C8A: variants seen among roughly 807,000 people sequenced by gnomAD.
C8A encodes the protein complement component C8 alpha chain.
C8A carries 67 observed loss-of-function variants against 65.3 expected under a neutral mutation model. The observed-to-expected ratio is 1.03, with a 90% CI of 0.84 to 1.26. C8A has a LOEUF of 1.26. C8A is among the 50% of genes most tolerant of loss of function. C8A has a pLI of 0.00. For missense variants in C8A, 781 were observed against 723.9 expected, an observed-to-expected ratio of 1.08 and a Z score of -0.90; for synonymous variants, 290 against 259.4, an observed-to-expected ratio of 1.12 and a Z score of -1.13.
At chr1:56,866,296 G>A (rs1459440385) in intron 1 of C8A, among the ~76,000 whole-genome samples, 1 of 152,108 alleles carries the variant, frequency 6.6e-6, no homozygotes, top group African/African-American at 2.4e-5. Context: ...ACATGTAATA[G>A]GTTTGTTATT....
chr1:56,856,277 T>A (rs1282097017), intron 1 of C8A, among the ~76,000 whole-genome samples: 11 of 152,154 alleles, frequency 7.2e-5, no homozygotes, highest in Non-Finnish European at 1.5e-4. Flanking sequence ...AGCTGTCTGA[T>A]CTCAGGCAAG....
Position 56,917,799 on chromosome 1 carries a change from G to A in C8A, c.*83G>A, listed in dbSNP as rs1320002182. 1 of 1,536,328 alleles carries A rather than the reference G, an allele frequency of 6.5e-7. No individual in the cohort carries two copies. Among genetic ancestry groups the A allele is most frequent in the African/African-American group, 1.4e-5 (1 of 73,342 alleles). On this transcript the variant is annotated 3_prime_UTR_variant, in exon 11 of 11. Coordinates refer to ENST00000361249, the MANE Select transcript of C8A (RefSeq NM_000562.3). ...TTGGATAAAGACTTCTTTCAACTAA[G>A]AGAAGATGCAAATCAGCACACTTTT...
At position 56,881,572 on chromosome 1, in the gene C8A, T is replaced by C. The variant is rs540173367; in HGVS notation, c.592T>C (p.Tyr198His). ...ATATGACTCCACCTGTGAACGTCTC[T>C]ACTATGGAGATGATGAGAAATACTT... ...LRYDSTCERL[Y>H]YGDDEKYFRK... The change falls in exon 5 of 11, where the codon TAC becomes CAC. Residue 198 changes from tyrosine (Y) to histidine (H), a missense_variant. Tyr to His is a moderately conservative substitution (Grantham distance 83). Coordinates refer to ENST00000361249, the MANE Select transcript of C8A (RefSeq NM_000562.3). The C allele has an allele frequency of 2.5e-6, 4 of 1,613,836 alleles. No homozygotes were observed. The South Asian group carries it at 3.3e-5, about 13-fold the overall frequency.
intron 6 of C8A, among the ~76,000 whole-genome samples, chr1:56,885,705 C>A (rs1644294113): frequency 6.6e-6 from 1 of 151,474 alleles, no homozygotes. Flanking sequence ...GCATGCACCA[C>A]CATGCCCAGC....
chr1:56,894,970 A>C (rs990109529), intron 7 of C8A, among the ~76,000 whole-genome samples: 1 of 149,590 alleles, frequency 6.7e-6, no homozygotes, highest in Admixed American at 6.6e-5. Context: ...GTATAATAAC[A>C]TCTACTATTT....
chr1:56,913,638 A>G (rs1213021673), intron 10 of C8A, among the ~76,000 whole-genome samples: 2 of 151,056 alleles, frequency 1.3e-5, no homozygotes, highest in South Asian at 2.1e-4. Context: ...CTAAGCTCCC[A>G]CTTTTTCAGG....
intron 2 of C8A, among the ~76,000 whole-genome samples, chr1:56,871,655 T>C (rs1644148265): frequency 1.3e-5 from 2 of 152,212 alleles, no homozygotes; most frequent in South Asian, 4.1e-4. Flanking sequence ...TTTCCCATAG[T>C]ATATTTAACT....
chr1:56,860,928 A>G lies in C8A; in HGVS notation c.77+5950A>G, dbSNP rs974782614. On this transcript the variant is annotated intron_variant, in intron 1 of 10. Coordinates refer to ENST00000361249, the MANE Select transcript of C8A (RefSeq NM_000562.3). ...TTGTGCTGAAGAAGTCCAAGAGATG[A>G]AAGTTCTCATGAAGAAAAAAGTGGT... 3.3e-5 allele frequency among the ~76,000 whole-genome samples: 5 copies of G among 152,192 alleles called. No individual in the cohort carries two copies. The South Asian group carries it at 1.0e-3, about 32-fold the overall frequency.
At chr1:56,874,678 A>T (rs1644180093) in intron 2 of C8A, among the ~76,000 whole-genome samples, 1 of 152,206 alleles carries the variant, frequency 6.6e-6, no homozygotes, top group African/African-American at 2.4e-5. Context: ...AACAGAGGTT[A>T]TTCCTAGCAA....
intron 7 of C8A, among the ~76,000 whole-genome samples, chr1:56,903,766 C>T (rs955083170): frequency 6.6e-6 from 1 of 152,206 alleles, no homozygotes; most frequent in Admixed American, 6.5e-5. Context: ...GAAGAGGAAT[C>T]ATCTGGGATA....
At chr1:56,874,870 G>A in intron 2 of C8A, 79 bp from the exon 3 acceptor site, 1 of 1,521,646 alleles carries the variant, frequency 6.6e-7, no homozygotes. Context: ...CTTATGTTGA[G>A]CCGAAACCAG....
intron 4 of C8A, among the ~76,000 whole-genome samples, chr1:56,879,201 TC>T (rs1186413834): frequency 1.3e-5 from 2 of 152,176 alleles, no homozygotes; most frequent in Non-Finnish European, 2.9e-5. Flanking sequence ...CAACTCCTCA[TC>T]TATAGTATAA....
At chr1:56,866,557 A>T (rs1314288100) in intron 1 of C8A, among the ~76,000 whole-genome samples, 1 of 152,210 alleles carries the variant, frequency 6.6e-6, no homozygotes, top group Non-Finnish European at 1.5e-5. Context: ...TCATTACATC[A>T]TTAGCATGAG....
At chr1:56,887,231 G>C (rs1289866894) in intron 7 of C8A, among the ~76,000 whole-genome samples, 1 of 152,192 alleles carries the variant, frequency 6.6e-6, no homozygotes, top group Non-Finnish European at 1.5e-5. Context: ...TAATGGGATT[G>C]CTGGGTCAAG....
At chr1:56,872,599 C>A (rs1306111654) in intron 2 of C8A, among the ~76,000 whole-genome samples, 1 of 151,850 alleles carries the variant, frequency 6.6e-6, no homozygotes. Flanking sequence ...AAAACAGGCT[C>A]TAAGCTATAT....
chr1:56,899,165 A>G lies in C8A; in HGVS notation c.1097-7502A>G, dbSNP rs559920544. The stretch of plus-strand genomic sequence containing the variant: ...TCCTTACTCCCCTTAAGTCATCTGC[A>G]TATACATGGAACTGAGACTCTCAGC... On this transcript the variant is annotated intron_variant, in intron 7 of 10. Transcript: ENST00000361249. Among the ~76,000 whole-genome samples, 65 of 152,232 alleles carry G rather than the reference A, an allele frequency of 4.3e-4. 1 individual carries two copies. The South Asian group carries it at 0.013, about 32-fold the overall frequency.
intron 2 of C8A, among the ~76,000 whole-genome samples, chr1:56,870,782 G>A (rs1282735496): frequency 5.3e-5 from 8 of 151,062 alleles, no homozygotes; most frequent in East Asian, 1.9e-4. Context: ...AAACACGTGC[G>A]TTTTTAAAGT....
intron 7 of C8A, among the ~76,000 whole-genome samples, chr1:56,899,527 A>G (rs186938440): frequency 6.6e-6 from 1 of 152,182 alleles, no homozygotes; most frequent in East Asian, 1.9e-4. Flanking sequence ...GAGCTAACAC[A>G]TGGAATATCT....
At chr1:56,885,348 A>ATATATT (rs1644284309) in intron 6 of C8A, among the ~76,000 whole-genome samples, 2 of 88,782 alleles carry the variant, frequency 2.3e-5, no homozygotes, top group African/African-American at 9.7e-5. Flanking sequence ...TTACATAAAT[A>ATATATT]TATATTTATG....
Sources: gnomAD v4.1 joint callset for allele counts (sites outside exome capture counted in the v4.1 genomes callset) on GRCh38, gnomAD v4.1.1 for gene constraint, MANE v1.5 for transcripts, NCBI Gene and HGNC (gene_info 2026-07-23, HGNC 2026-07-21) for gene names.